Variants in ZNF578 observed in about 807,000 individuals in gnomAD.
The protein encoded by ZNF578 is Putative chemokine-related protein B42.
Under a neutral mutation model 8.3 loss-of-function variants are expected in ZNF578, and 8 were observed. That is an observed-to-expected ratio of 0.96 (90% CI 0.56 to 1.74). The LOEUF is 1.74. Ranked by LOEUF, ZNF578 falls within the 40% of genes most tolerant of loss-of-function variation. The probability of loss-of-function intolerance (pLI) is 0.00; values close to 1 mark genes in which losing one functional copy is unlikely to be tolerated. For synonymous variants in ZNF578, 206 were observed against 232.2 expected (o/e 0.89, Z 1.03); for missense variants, 726 against 707.5 (o/e 1.03, Z -0.30).
At position 52,499,687 on chromosome 19, in the gene ZNF578, TC is replaced by T. The variant is rs1221880598; in HGVS notation, c.-19-2139del. 3.4e-3 allele frequency among the ~76,000 whole-genome samples: 433 copies of T among 125,906 alleles called. 5 individuals carry two copies. The highest frequency in any genetic ancestry group is 0.013 in the African/African-American group (422 of 32,908). The allele number at this position is 125,906 out of a possible 152,430, so 82.6% of individuals were successfully genotyped here. Reference sequence around the variant, plus strand: ...AGTGAGAAGATACATCACTTCCAAATCGTTTTTTTTTTTTTGAGATGAATTT... The same window carrying T: ...AGTGAGAAGATACATCACTTCCAAATGTTTTTTTTTTTTTGAGATGAATTT... On this transcript the variant is annotated intron_variant, in intron 3 of 5. Transcript: ENST00000421239.
At chr19:52,466,201 C>T (rs1293623483) in intron 2 of ZNF578, among the ~76,000 whole-genome samples, 1 of 152,182 alleles carries the variant, frequency 6.6e-6, no homozygotes, top group Non-Finnish European at 1.5e-5. Context: ...TTTCTTTGTG[C>T]TGAAGCAGCA....
At chr19:52,501,102 G>A (rs1364717476) in intron 3 of ZNF578, among the ~76,000 whole-genome samples, 1 of 151,800 alleles carries the variant, frequency 6.6e-6, no homozygotes, top group African/African-American at 2.4e-5. Flanking sequence ...TGGTCTTGAA[G>A]TCCTGACCCT....
chr19:52,492,582 A>T (rs2059369580), intron 3 of ZNF578, among the ~76,000 whole-genome samples: 1 of 152,150 alleles, frequency 6.6e-6, no homozygotes, highest in East Asian at 1.9e-4. Flanking sequence ...CCCGTTCCAG[A>T]CAATTCCAGG....
intron 5 of ZNF578, among the ~76,000 whole-genome samples, chr19:52,504,995 C>G (rs2059420597): frequency 6.6e-6 from 1 of 152,204 alleles, no homozygotes; most frequent in Admixed American, 6.5e-5. Flanking sequence ...TCAAGTGATT[C>G]TCCTGCCTCA....
At chr19:52,474,290 C>A in intron 2 of ZNF578, 1 of 294,920 alleles carries the variant, frequency 3.4e-6, no homozygotes, top group Non-Finnish European at 6.9e-6. Context: ...TGAAAGTTGA[C>A]TAAAAACTTT....
intron 2 of ZNF578, among the ~76,000 whole-genome samples, chr19:52,486,790 A>T (rs543412134): frequency 4.8e-5 from 7 of 146,160 alleles, no homozygotes; most frequent in Non-Finnish European, 1.0e-4. Context: ...AAGAGGCAGA[A>T]ATAGACAGAG....
intron 1 of ZNF578, chr19:52,454,719 T>C (rs1268019984): frequency 1.3e-5 from 2 of 152,224 alleles, no homozygotes; most frequent in African/African-American, 4.8e-5. Flanking sequence ...CTACTACTTG[T>C]GTACAGCTTC....
At position 52,514,962 on chromosome 19, in the gene ZNF578, C is replaced by CTTTTT. The variant is rs35788845; in HGVS notation, c.*2822_*2826dup. On this transcript the variant is annotated 3_prime_UTR_variant, in exon 6 of 6. Coordinates refer to ENST00000421239, the MANE Select transcript of ZNF578 (RefSeq NM_001099694.2). ...AGGCATGAGCTACCACGTCGAGACT[C>CTTTTT]TTTTTTTTTTTTTTTTTTAGATGGA... is the stretch of plus-strand genomic sequence containing the variant. Among the ~76,000 whole-genome samples, 434 of 122,900 alleles carry CTTTTT rather than the reference C, an allele frequency of 3.5e-3. 2 individuals carry two copies. Among genetic ancestry groups the CTTTTT allele is most frequent in the African/African-American group, 0.013 (414 of 32,232 alleles). 80.6% of individuals were successfully genotyped at this position (122,900 alleles called of 152,430 possible). A position where few individuals can be genotyped will look rare whatever the true frequency, so the allele number is the denominator to read the frequency against.
Position 52,491,359 on chromosome 19 carries a change from A to C in ZNF578, c.-86A>C, listed in dbSNP as rs954776401. On this transcript the variant is annotated 5_prime_UTR_variant, in exon 3 of 6. Coordinates refer to ENST00000421239, the MANE Select transcript of ZNF578 (RefSeq NM_001099694.2). ...CAAATGCATGATGAAAAAGGTGGGAAGATTACTTGAGCCAGGGAGTTGAAG... is the reference window on the plus strand; with the variant it reads ...CAAATGCATGATGAAAAAGGTGGGACGATTACTTGAGCCAGGGAGTTGAAG... 2 of 240,320 alleles carry C rather than the reference A, an allele frequency of 8.3e-6. No homozygotes were observed. Among genetic ancestry groups the C allele is most frequent in the Admixed American group, 8.4e-5 (2 of 23,700 alleles). The allele number at this position is 240,320 out of a possible 1,614,324, so 14.9% of individuals were successfully genotyped here.
chr19:52,499,473 A>G (rs747304131), intron 3 of ZNF578, among the ~76,000 whole-genome samples: 16 of 152,292 alleles, frequency 1.1e-4, no homozygotes, highest in Non-Finnish European at 1.9e-4. Flanking sequence ...TCAGCTGTCC[A>G]TAAGTGACTT....
At chr19:52,487,179 AAATAAT>A (rs1231886548) in intron 2 of ZNF578, among the ~76,000 whole-genome samples, 4 of 151,958 alleles carry the variant, frequency 2.6e-5, no homozygotes, top group South Asian at 4.1e-4. Flanking sequence ...GCCAAAAAAA[AAATAAT>A]AATAATAAGT....
chr19:52,504,723 G>A lies in ZNF578; in HGVS notation c.132G>A (p.Ala44=), dbSNP rs374899619. Residue 44 remains alanine (A), a synonymous_variant, in exon 5 of 6, where the codon GCG becomes GCA. Coordinates refer to ENST00000421239, the MANE Select transcript of ZNF578 (RefSeq NM_001099694.2). The stretch of plus-strand genomic sequence containing the variant: ...CAGAGTGGAAATTCCTGAACCCTGC[G>A]CAGAGGGCTTTGTACAGGGAAGTGA... ...SLAEWKFLNP[A]QRALYREVML... 2.3e-4 allele frequency: 372 copies of A among 1,614,080 alleles called. 2 individuals carry two copies. The highest frequency in any genetic ancestry group is 8.3e-4 in the South Asian group (76 of 91,072).
chr19:52,512,049 C>T lies in ZNF578; in HGVS notation c.1668C>T (p.Asn556=), dbSNP rs781705631. The T allele has an allele frequency of 1.2e-6, 2 of 1,612,850 alleles. No homozygotes were observed. Among genetic ancestry groups the T allele is most frequent in the Non-Finnish European group, 1.7e-6 (2 of 1,179,698 alleles). The change falls in exon 6 of 6, where the codon AAC becomes AAT. Residue 556 remains asparagine, a synonymous_variant. Coordinates refer to ENST00000421239, the MANE Select transcript of ZNF578 (RefSeq NM_001099694.2). ...KAFMCHSYLA[N]HTRIHSGEKP... The stretch of plus-strand genomic sequence containing the variant: ...TCATGTGCCATTCTTATCTGGCAAA[C>T]CATACTAGAATTCATAGCGGAGAGA...
intron 2 of ZNF578, among the ~76,000 whole-genome samples, chr19:52,478,689 T>C (rs2059315615): frequency 6.6e-6 from 1 of 152,118 alleles, no homozygotes; most frequent in African/African-American, 2.4e-5. Flanking sequence ...AAGGCCTGCT[T>C]GATGAGCCCA....
intron 2 of ZNF578, among the ~76,000 whole-genome samples, chr19:52,465,508 C>CCATT (rs2059272116): frequency 6.6e-6 from 1 of 152,180 alleles, no homozygotes; most frequent in South Asian, 2.1e-4. Flanking sequence ...TGAAAAGGCT[C>CCATT]CAGTGCTGCA....
intron 2 of ZNF578, among the ~76,000 whole-genome samples, chr19:52,459,650 C>CACACATAT (rs1340389548): frequency 1.2e-5 from 1 of 84,798 alleles, no homozygotes; most frequent in African/African-American, 3.7e-5. Context: ...CACACACACA[C>CACACATAT]ATATATATAC....
intron 4 of ZNF578, among the ~76,000 whole-genome samples, chr19:52,503,074 T>C (rs2059413112): frequency 6.6e-6 from 1 of 152,108 alleles, no homozygotes; most frequent in Non-Finnish European, 1.5e-5. Context: ...GTACTTTTAG[T>C]TGGGACAGGG....
chr19:52,510,700 G>GA lies in ZNF578; in HGVS notation c.324dup (p.Asp109ArgfsTer4). 1.9e-6 allele frequency: 3 copies of GA among 1,613,104 alleles called. No homozygotes were observed. Among genetic ancestry groups the GA allele is most frequent in the Non-Finnish European group, 2.5e-6 (3 of 1,179,724 alleles). On this transcript the variant is annotated frameshift_variant, in exon 6 of 6. Coordinates refer to ENST00000421239, the MANE Select transcript of ZNF578 (RefSeq NM_001099694.2). LOFTEE classifies it low-confidence loss of function (END_TRUNC). ...TGGAGATTTTTGCTTCCAGGAAATTGAAAAAGATATTCATGACTTTGAGTT... is the reference window on the plus strand; with the variant it reads ...TGGAGATTTTTGCTTCCAGGAAATTGAAAAAAGATATTCATGACTTTGAGTT...
chr19:52,484,837 C>T (rs1471520897), intron 2 of ZNF578, among the ~76,000 whole-genome samples: 1 of 151,192 alleles, frequency 6.6e-6, no homozygotes, highest in Admixed American at 6.6e-5. Context: ...AACGGCCCCA[C>T]CCCTATCTCC....
Sources: gnomAD v4.1 joint callset for allele counts (sites outside exome capture counted in the v4.1 genomes callset) on GRCh38, gnomAD v4.1.1 for gene constraint, MANE v1.5 for transcripts, NCBI Gene and HGNC (gene_info 2026-07-23, HGNC 2026-07-21) for gene names.